Variants in CDH23 observed in about 807,000 individuals in gnomAD.
CDH23 encodes cadherin-23.
In CDH23, 189 loss-of-function variants were observed where a neutral mutation model predicts 317.1. The ratio of observed to expected loss-of-function variants is 0.60; its 90% CI spans 0.53 to 0.67. CDH23 has a LOEUF of 0.67. Among genes scored for constraint, CDH23 ranks in the 30% least tolerant of loss-of-function variants. The pLI is 0.00. For missense variants in CDH23, 4,401 were observed against 4,592.4 expected, an observed-to-expected ratio of 0.96 and a Z score of 1.20; for synonymous variants, 1,839 against 1,876.8, an observed-to-expected ratio of 0.98 and a Z score of 0.52.
chr10:71,746,411 G>T (rs1423394373), intron 38 of CDH23, among the ~76,000 whole-genome samples: 1 of 152,178 alleles, frequency 6.6e-6, no homozygotes, highest in East Asian at 1.9e-4. Context: ...CCCCCATCCG[G>T]CCTCAGCCCA....
chr10:71,628,143 C>G (rs1861836577), intron 11 of CDH23, among the ~76,000 whole-genome samples: 1 of 152,224 alleles, frequency 6.6e-6, no homozygotes, highest in African/African-American at 2.4e-5. Flanking sequence ...GTGTCTCACC[C>G]CATCGCCATC....
Position 71,732,031 on chromosome 10 carries a change from G to A in CDH23, c.3760G>A (p.Gly1254Arg), listed in dbSNP as rs1839408230. 1 of 1,613,876 alleles carries A rather than the reference G, an allele frequency of 6.2e-7. No individual in the cohort carries two copies. The highest frequency in any genetic ancestry group is 1.3e-5 in the African/African-American group (1 of 74,918). The change falls in exon 32 of 70, where the codon GGG (glycine) becomes AGG (arginine). Residue 1254 changes from glycine to arginine, a missense_variant. Around this residue, in one of 3 missense-constraint regions of CDH23, gnomAD observed 3,068 missense variants for 3,203.3 expected, o/e 0.96. Transcript: ENST00000224721. The part of the protein sequence containing the change: ...VNYRILSGAE[G>R]KFEIDESTGL... ...CTACCGCATCCTGTCGGGCGCAGAG[G>A]GGAAGTTTGAGATTGACGAGAGCAC...
intron 19 of CDH23, among the ~76,000 whole-genome samples, chr10:71,689,337 C>A (rs974658754): frequency 3.9e-5 from 6 of 152,030 alleles, no homozygotes; most frequent in Non-Finnish European, 7.4e-5. Context: ...TGCTGGGCTG[C>A]ACCCAGCCTA....
intron 34 of CDH23, among the ~76,000 whole-genome samples, chr10:71,735,460 C>G (rs1212197858): frequency 1.3e-5 from 2 of 152,086 alleles, no homozygotes; most frequent in Non-Finnish European, 2.9e-5. Context: ...CCAGGGCCAG[C>G]TACCTGAGAG....
chr10:71,690,365 C>T (rs1465905073), intron 19 of CDH23, 103 bp from the exon 20 acceptor site: 1 of 760,186 alleles, frequency 1.3e-6, no homozygotes, highest in African/African-American at 1.8e-5. Context: ...GGTCCCACGT[C>T]CTCCTCTTGG....
intron 68 of CDH23, 151 bp from the exon 69 acceptor site, chr10:71,813,093 T>C: frequency 2.7e-6 from 3 of 1,091,482 alleles, no homozygotes; most frequent in East Asian, 5.2e-5. Context: ...GTGTCCAGGC[T>C]GGCCACTGTC....
At chr10:71,415,105 T>TTTA (rs1848483228) in intron 1 of CDH23, among the ~76,000 whole-genome samples, 1 of 152,254 alleles carries the variant, frequency 6.6e-6, no homozygotes, top group South Asian at 2.1e-4. Context: ...TTTTTATTTC[T>TTTA]TTATTATTAT....
chr10:71,646,672 A>G (rs775681223), intron 14 of CDH23, 55 bp downstream of exon 14: 1 of 1,613,914 alleles, frequency 6.2e-7, no homozygotes, highest in South Asian at 1.1e-5. Context: ...GACTGTGGTG[A>G]GGCACCCAGA....
chr10:71,508,584 T>C (rs1853774391), intron 3 of CDH23, among the ~76,000 whole-genome samples: 1 of 152,256 alleles, frequency 6.6e-6, no homozygotes, highest in Admixed American at 6.5e-5. Context: ...AAAAGTTCTT[T>C]TCTAGATAAA....
At chr10:71,804,350 A>G (rs1330248206) in intron 55 of CDH23, among the ~76,000 whole-genome samples, 1 of 152,200 alleles carries the variant, frequency 6.6e-6, no homozygotes, top group Non-Finnish European at 1.5e-5. Context: ...CTCGGTCTAA[A>G]TTGCCATATA....
intron 11 of CDH23, among the ~76,000 whole-genome samples, chr10:71,633,721 G>A (rs957805579): frequency 2.6e-5 from 4 of 152,162 alleles, no homozygotes; most frequent in African/African-American, 9.7e-5. Context: ...CAAGTTTATG[G>A]CCTCCTATGA....
At position 71,755,056 on chromosome 10, in the gene CDH23, T is replaced by G. The variant is rs534279139; in HGVS notation, c.4845+13135T>G. 87 of 540,942 alleles carry G rather than the reference T, an allele frequency of 1.6e-4. 1 individual carries two copies. Among genetic ancestry groups the G allele is most frequent in the Middle Eastern group, 1.4e-3 (5 of 3,550 alleles). 33.5% of individuals were successfully genotyped at this position (540,942 alleles called of 1,614,324 possible). ...CAAGGATCTCTGAGTGGCAGCAACT[T>G]GCTTTTATAAAGCAACTTGAGCTAC... On this transcript the variant is annotated intron_variant, in intron 38 of 69. Coordinates refer to ENST00000224721, the MANE Select transcript of CDH23 (RefSeq NM_022124.6).
chr10:71,707,131 TG>T lies in CDH23; in HGVS notation c.3106+87del, dbSNP rs1217195325. ...CTCCCAGATGGACAGCCAGACTAGG[TG>T]GGGGCAGGTGAGGGTGGAAAAGAGG... On this transcript the variant is annotated intron_variant, in intron 26 of 69. Coordinates refer to ENST00000224721, the MANE Select transcript of CDH23 (RefSeq NM_022124.6). 2.6e-6 allele frequency: 4 copies of T among 1,553,466 alleles called. No individual in the cohort carries two copies. The African/African-American group carries it at 4.1e-5, about 16-fold the overall frequency.
intron 38 of CDH23, chr10:71,755,096 C>A: frequency 3.2e-6 from 2 of 621,550 alleles, no homozygotes; most frequent in Non-Finnish European, 6.0e-6. Context: ...TATGATCATT[C>A]ATTCAGAAGA....
intron 1 of CDH23, among the ~76,000 whole-genome samples, chr10:71,403,240 T>C (rs1847868484): frequency 6.6e-6 from 1 of 152,180 alleles, no homozygotes; most frequent in Non-Finnish European, 1.5e-5. Context: ...ATGTTCCCAA[T>C]CAACAGTTGA....
Position 71,535,225 on chromosome 10 carries a change from G to A in CDH23, c.429+24013G>A, listed in dbSNP as rs1217395241. 2.6e-5 allele frequency among the ~76,000 whole-genome samples: 4 copies of A among 152,224 alleles called. No individual in the cohort carries two copies. In the East Asian group the frequency reaches 7.7e-4, roughly 29 times the overall value. Reference sequence around the variant, plus strand: ...GGTGGATGGTGCTTGTAACCTCTGGGTAAGCCCAAAGACACTGTGTAAATT... The same window carrying A: ...GGTGGATGGTGCTTGTAACCTCTGGATAAGCCCAAAGACACTGTGTAAATT... On this transcript the variant is annotated intron_variant, in intron 6 of 69. Coordinates refer to ENST00000224721, the MANE Select transcript of CDH23 (RefSeq NM_022124.6).
chr10:71,584,701 C>T lies in CDH23; in HGVS notation c.832+6709C>T, dbSNP rs181014629. On this transcript the variant is annotated intron_variant, in intron 9 of 69. Coordinates refer to ENST00000224721, the MANE Select transcript of CDH23 (RefSeq NM_022124.6). ...ACAGCTATCATAGGAGACCATCGTGCGAAACACTTCAAAGCCCTTGTGATT... is the reference window on the plus strand; with the variant it reads ...ACAGCTATCATAGGAGACCATCGTGTGAAACACTTCAAAGCCCTTGTGATT... 1.1e-4 allele frequency among the ~76,000 whole-genome samples: 17 copies of T among 152,290 alleles called. No homozygotes were observed. In the East Asian group the frequency reaches 1.9e-3, roughly 17 times the overall value.
At position 71,408,476 on chromosome 10, in the gene CDH23, C is replaced by T. The variant is rs187537889; in HGVS notation, c.-6+11158C>T. Reference sequence around the variant, plus strand: ...TTTCCTTCTCTGATCTTCCTCACTGCCCCCAAATTCTCCCCCTCACCTGAA... The same window carrying T: ...TTTCCTTCTCTGATCTTCCTCACTGTCCCCAAATTCTCCCCCTCACCTGAA... On this transcript the variant is annotated intron_variant, in intron 1 of 69. Coordinates refer to ENST00000224721, the MANE Select transcript of CDH23 (RefSeq NM_022124.6). 3.4e-3 allele frequency among the ~76,000 whole-genome samples: 523 copies of T among 152,280 alleles called. 5 individuals carry two copies. Among genetic ancestry groups the T allele is most frequent in the Non-Finnish European group, 6.1e-3 (414 of 68,032 alleles).
At chr10:71,671,644 C>T (rs76249053) in intron 14 of CDH23, among the ~76,000 whole-genome samples, 2 of 18,240 alleles carry the variant, frequency 1.1e-4, no homozygotes, top group Non-Finnish European at 3.8e-4. Flanking sequence ...GTCGCTGCCC[C>T]TGCTGCCTGG....
Sources: gnomAD v4.1 joint callset for allele counts (sites outside exome capture counted in the v4.1 genomes callset) on GRCh38, gnomAD v4.1.1 for gene constraint, gnomAD v4.1.1 regional missense constraint, MANE v1.5 for transcripts, NCBI Gene and HGNC (gene_info 2026-07-23, HGNC 2026-07-21) for gene names.